KCNB2: variants seen among roughly 807,000 people sequenced by gnomAD.
The protein encoded by KCNB2 is delayed rectifier potassium channel protein.
In KCNB2, 15 loss-of-function variants were observed where a neutral mutation model predicts 61.5. The ratio of observed to expected loss-of-function variants is 0.24; its 90% CI spans 0.16 to 0.38. The LOEUF (loss-of-function observed/expected upper bound fraction) is 0.38, where lower values mean the gene tolerates loss of function less well. Ranked by LOEUF, KCNB2 falls within the 10% of genes least tolerant of loss-of-function variation. The pLI is 1.00. For missense variants in KCNB2, 828 were observed against 1,125.2 expected (o/e 0.74, Z 3.78); for synonymous variants, 457 against 446.0 (o/e 1.02, Z -0.31).
At chr8:72,642,830 A>G (rs568502778) in intron 2 of KCNB2, among the ~76,000 whole-genome samples, 145 of 152,280 alleles carry the variant, frequency 9.5e-4, no homozygotes, top group Non-Finnish European at 9.3e-4. Flanking sequence ...TTTGGCCAAT[A>G]TAGTTGAGAC....
Position 72,715,575 on chromosome 8 carries a change from G to A in KCNB2, c.579+147262G>A, listed in dbSNP as rs377021021. ...CCTGAATGACTACTGGGTACCTAAC[G>A]AAATGAAGGCAGAAATAAAGATGTT... On this transcript the variant is annotated intron_variant, in intron 2 of 2. Transcript: ENST00000523207. 1.1e-3 allele frequency among the ~76,000 whole-genome samples: 166 copies of A among 152,216 alleles called. 1 individual carries two copies. In the East Asian group the frequency reaches 0.03, roughly 27 times the overall value.
intron 2 of KCNB2, among the ~76,000 whole-genome samples, chr8:72,693,540 A>G (rs148815609): frequency 4.0e-4 from 61 of 152,286 alleles, no homozygotes; most frequent in Non-Finnish European, 7.3e-4. Flanking sequence ...TGTGTTCTAA[A>G]AAAAGCAACA....
chr8:72,860,649 A>G (rs1450746558), intron 2 of KCNB2, among the ~76,000 whole-genome samples: 3 of 152,228 alleles, frequency 2.0e-5, no homozygotes, highest in Non-Finnish European at 4.4e-5. Flanking sequence ...CATAGCAAGC[A>G]GGCCCTTTAC....
intron 2 of KCNB2, among the ~76,000 whole-genome samples, chr8:72,824,853 A>G (rs1809571279): frequency 6.6e-6 from 1 of 152,140 alleles, no homozygotes; most frequent in African/African-American, 2.4e-5. Flanking sequence ...CCCACTCTCT[A>G]CTCTGCACTC....
chr8:72,821,776 G>T (rs1225080894), intron 2 of KCNB2, among the ~76,000 whole-genome samples: 2 of 151,962 alleles, frequency 1.3e-5, no homozygotes. Flanking sequence ...CGAATGAAAG[G>T]GTTTGCTTTG....
At chr8:72,870,423 G>A (rs1805598041) in intron 2 of KCNB2, among the ~76,000 whole-genome samples, 1 of 152,090 alleles carries the variant, frequency 6.6e-6, no homozygotes, top group African/African-American at 2.4e-5. Flanking sequence ...AATTCAGGCT[G>A]GATTCATTAC....
At chr8:72,899,048 G>T (rs1267152598) in intron 2 of KCNB2, among the ~76,000 whole-genome samples, 1 of 152,002 alleles carries the variant, frequency 6.6e-6, no homozygotes, top group Non-Finnish European at 1.5e-5. Flanking sequence ...CCATTGATGG[G>T]CACCTAGGCT....
intron 2 of KCNB2, among the ~76,000 whole-genome samples, chr8:72,815,176 T>C (rs1809373505): frequency 6.6e-6 from 1 of 151,990 alleles, no homozygotes; most frequent in South Asian, 2.1e-4. Flanking sequence ...ACTAAGCGCA[T>C]CCTCCTTTTA....
chr8:72,713,627 C>G (rs1232980589), intron 2 of KCNB2, among the ~76,000 whole-genome samples: 1 of 152,182 alleles, frequency 6.6e-6, no homozygotes, highest in African/African-American at 2.4e-5. Flanking sequence ...AACTAACAAA[C>G]AGAAAGGACA....
At chr8:72,779,433 T>G (rs1808718891) in intron 2 of KCNB2, among the ~76,000 whole-genome samples, 1 of 152,156 alleles carries the variant, frequency 6.6e-6, no homozygotes, top group Non-Finnish European at 1.5e-5. Flanking sequence ...GCTGGCATCT[T>G]TATACTTCAG....
chr8:72,802,208 T>C (rs2128999747), intron 2 of KCNB2, among the ~76,000 whole-genome samples: 1 of 152,330 alleles, frequency 6.6e-6, no homozygotes, highest in East Asian at 1.9e-4. Context: ...ACTGATGCGG[T>C]GATTTCAGTC....
rs568654354 is a variant in KCNB2 at position 72,681,750 on chromosome 8, A to T, written c.579+113437A>T. Among the ~76,000 whole-genome samples, 16 of 152,306 alleles carry T rather than the reference A, an allele frequency of 1.1e-4. No individual in the cohort carries two copies. The South Asian group carries it at 3.1e-3, about 30-fold the overall frequency. On this transcript the variant is annotated intron_variant, in intron 2 of 2. Coordinates refer to ENST00000523207, the MANE Select transcript of KCNB2 (RefSeq NM_004770.3). Reference sequence around the variant, plus strand: ...CAGTAGGATTGTTTACACCAGCATCACCACAAGCACGTGAATAATGCATTA... The same window carrying T: ...CAGTAGGATTGTTTACACCAGCATCTCCACAAGCACGTGAATAATGCATTA...
At chr8:72,659,862 T>C (rs998040037) in intron 2 of KCNB2, among the ~76,000 whole-genome samples, 1 of 152,222 alleles carries the variant, frequency 6.6e-6, no homozygotes, top group African/African-American at 2.4e-5. Context: ...CTTCATAGTA[T>C]AGTGTAAACA....
intron 2 of KCNB2, among the ~76,000 whole-genome samples, chr8:72,725,791 C>T (rs1807640326): frequency 6.6e-6 from 1 of 151,518 alleles, no homozygotes; most frequent in Admixed American, 6.6e-5. Flanking sequence ...CAGTAACTTA[C>T]ACATAGTAAG....
chr8:72,865,077 A>C (rs546268584), intron 2 of KCNB2, among the ~76,000 whole-genome samples: 3 of 152,170 alleles, frequency 2.0e-5, no homozygotes, highest in African/African-American at 7.2e-5. Flanking sequence ...GTCTCTTCCC[A>C]GAATTATTGC....
intron 2 of KCNB2, among the ~76,000 whole-genome samples, chr8:72,725,557 G>GTATATA (rs1204734280): frequency 2.2e-4 from 12 of 55,014 alleles, no homozygotes; most frequent in Admixed American, 4.3e-4. Flanking sequence ...ATATATATAT[G>GTATATA]TATATATGTA....
chr8:72,849,597 AC>A (rs1810057751), intron 2 of KCNB2, among the ~76,000 whole-genome samples: 1 of 152,132 alleles, frequency 6.6e-6, no homozygotes, highest in East Asian at 1.9e-4. Context: ...GAGAATATAA[AC>A]CAGCATTCTT....
chr8:72,685,670 A>G (rs1449153449), intron 2 of KCNB2, among the ~76,000 whole-genome samples: 2 of 152,154 alleles, frequency 1.3e-5, no homozygotes, highest in African/African-American at 4.8e-5. Flanking sequence ...TCACGGTCTG[A>G]ATGGGAAGGC....
chr8:72,539,254 T>G (rs1356321838), intron 1 of KCNB2, among the ~76,000 whole-genome samples: 1 of 152,158 alleles, frequency 6.6e-6, no homozygotes, highest in African/African-American at 2.4e-5. Flanking sequence ...TGAGGTGGTG[T>G]TTTTAATTTA....
Sources: allele counts gnomAD v4.1 joint callset (sites outside exome capture counted in the v4.1 genomes callset), GRCh38; gene constraint gnomAD v4.1.1; transcripts MANE v1.5; gene names NCBI Gene and HGNC (gene_info 2026-07-23, HGNC 2026-07-21).